The following RGS6 variants were observed in gnomAD, a reference collection of about 807,000 sequenced individuals.
RGS6 encodes regulator of G protein signaling 6, also known as regulator of G-protein signaling 6.
In RGS6, 30 loss-of-function variants were observed where a neutral mutation model predicts 78.5. The observed-to-expected ratio is 0.38, with a 90% CI of 0.29 to 0.52. RGS6 has a LOEUF of 0.52. Ranked by LOEUF, RGS6 falls within the 20% of genes least tolerant of loss-of-function variation. The probability of loss-of-function intolerance (pLI) is 0.85; values close to 1 mark genes in which losing one functional copy is unlikely to be tolerated. For missense variants in RGS6, 495 were observed against 609.7 expected (o/e 0.81, Z 1.98); for synonymous variants, 206 against 206.0 (o/e 1.00, Z 0.00).
intron 2 of RGS6, among the ~76,000 whole-genome samples, chr14:72,305,143 T>C (rs1041047462): frequency 6.6e-6 from 1 of 152,234 alleles, no homozygotes; most frequent in African/African-American, 2.4e-5. Context: ...CTTTCTCTTA[T>C]TGACTCGAGG....
At chr14:71,924,986 A>G in the RGS6 span, among the ~76,000 whole-genome samples, 7 of 151,994 alleles carry the variant, frequency 4.6e-5, no homozygotes, top group Non-Finnish European at 8.8e-5. Context: ...TTAATTTTTA[A>G]GGGAATCTCC....
At chr14:72,433,669 A>T (rs1386722323) in intron 3 of RGS6, among the ~76,000 whole-genome samples, 1 of 151,870 alleles carries the variant, frequency 6.6e-6, no homozygotes, top group African/African-American at 2.4e-5. Context: ...TGCCTCCACG[A>T]CTCAACTCCC....
At chr14:72,180,521 T>A (rs2097160588) in intron 2 of RGS6, among the ~76,000 whole-genome samples, 1 of 152,258 alleles carries the variant, frequency 6.6e-6, no homozygotes, top group Non-Finnish European at 1.5e-5. Flanking sequence ...TAGACTCAAT[T>A]GGCTATCATG....
At chr14:71,924,530 G>A in the RGS6 span, among the ~76,000 whole-genome samples, 1 of 152,018 alleles carries the variant, frequency 6.6e-6, no homozygotes, top group Non-Finnish European at 1.5e-5. Flanking sequence ...TGTCCCCTTT[G>A]ACCTACATCT....
intron 2 of RGS6, among the ~76,000 whole-genome samples, chr14:72,208,738 G>T (rs1325328697): frequency 6.6e-6 from 1 of 152,116 alleles, no homozygotes; most frequent in Non-Finnish European, 1.5e-5. Context: ...TCTGCTAATC[G>T]TATCAGCAAG....
At chr14:72,553,572 C>T (rs1021951343) in intron 17 of RGS6, among the ~76,000 whole-genome samples, 1 of 152,142 alleles carries the variant, frequency 6.6e-6, no homozygotes, top group Non-Finnish European at 1.5e-5. Context: ...TTTTTCTCTC[C>T]TAAGAAACAA....
chr14:72,277,603 A>AT (rs1226848003), intron 2 of RGS6, among the ~76,000 whole-genome samples: 5 of 144,168 alleles, frequency 3.5e-5, no homozygotes, highest in Admixed American at 7.0e-5. Flanking sequence ...CTAAAAAATA[A>AT]AAAAAAAAAA....
chr14:72,261,823 A>G (rs566128990), intron 2 of RGS6, among the ~76,000 whole-genome samples: 5 of 152,284 alleles, frequency 3.3e-5, no homozygotes, highest in Admixed American at 6.5e-5. Context: ...CTTGAAAAAT[A>G]TTTCCTTTTA....
intron 2 of RGS6, among the ~76,000 whole-genome samples, chr14:71,995,846 T>C: frequency 6.6e-6 from 1 of 152,230 alleles, no homozygotes; most frequent in East Asian, 1.9e-4. Flanking sequence ...CCATAGTTTA[T>C]ACACATAGAT....
At chr14:72,086,363 T>C (rs2153486162) in intron 2 of RGS6, among the ~76,000 whole-genome samples, 1 of 152,376 alleles carries the variant, frequency 6.6e-6, no homozygotes, top group South Asian at 2.1e-4. Context: ...TGGTTGTTGG[T>C]GTTTTTCTTT....
intron 3 of RGS6, among the ~76,000 whole-genome samples, chr14:72,414,970 G>C (rs2093695771): frequency 6.6e-6 from 1 of 152,308 alleles, no homozygotes; most frequent in East Asian, 1.9e-4. Flanking sequence ...CTACTGGGGG[G>C]GTGCCTCCCA....
At chr14:71,963,563 T>G (rs1201328640) in intron 1 of RGS6, among the ~76,000 whole-genome samples, 3 of 152,232 alleles carry the variant, frequency 2.0e-5, no homozygotes, top group African/African-American at 7.2e-5. Flanking sequence ...CTCTGTGGAC[T>G]TACCTATTCT....
intron 3 of RGS6, among the ~76,000 whole-genome samples, chr14:72,409,854 G>C (rs1445205652): frequency 6.6e-6 from 1 of 152,024 alleles, no homozygotes; most frequent in Non-Finnish European, 1.5e-5. Context: ...GAGAATGATG[G>C]TTTCCAGCTT....
At chr14:72,411,744 A>G (rs1166524737) in intron 3 of RGS6, among the ~76,000 whole-genome samples, 1 of 152,210 alleles carries the variant, frequency 6.6e-6, no homozygotes, top group East Asian at 1.9e-4. Context: ...ACATCCCATC[A>G]ATACCTAATT....
intron 17 of RGS6, among the ~76,000 whole-genome samples, chr14:72,548,107 G>A (rs756257321): frequency 1.1e-4 from 17 of 152,000 alleles, no homozygotes; most frequent in African/African-American, 2.2e-4. Context: ...GTCTATGTCC[G>A]CTGGAAAGGC....
At chr14:72,038,027 A>G (rs1384476122) in intron 2 of RGS6, among the ~76,000 whole-genome samples, 9 of 149,778 alleles carry the variant, frequency 6.0e-5, no homozygotes, top group African/African-American at 2.0e-4. Flanking sequence ...CTGGAGTGCA[A>G]TGGTGCAATC....
intron 3 of RGS6, among the ~76,000 whole-genome samples, chr14:72,368,124 T>C (rs531441694): frequency 2.6e-5 from 4 of 152,088 alleles, no homozygotes; most frequent in Non-Finnish European, 5.9e-5. Flanking sequence ...AGTTTTAGGG[T>C]CTGGGAAGTC....
chr14:72,562,352 GCTCT>G, intron 17 of RGS6, 61 bp from the exon 18 acceptor site: 1 of 1,512,218 alleles, frequency 6.6e-7, no homozygotes, highest in Non-Finnish European at 9.1e-7. Context: ...CACCTGTCTG[GCTCT>G]CTGTCTCTGT....
At chr14:71,936,056 T>C (rs2089269866) in intron 1 of RGS6, among the ~76,000 whole-genome samples, 1 of 90,064 alleles carries the variant, frequency 1.1e-5, no homozygotes, top group South Asian at 3.8e-4. Flanking sequence ...ATATATATCA[T>C]ATATACATAT....
Sources: allele counts gnomAD v4.1 joint callset (sites outside exome capture counted in the v4.1 genomes callset), GRCh38; gene constraint gnomAD v4.1.1; transcripts MANE v1.5; gene names NCBI Gene and HGNC (gene_info 2026-07-23, HGNC 2026-07-21).